Variants in SHROOM2 observed in about 807,000 individuals in gnomAD.
SHROOM2 encodes protein Shroom2.
A neutral mutation model predicts 75.9 loss-of-function variants in SHROOM2; 33 were observed. That is an observed-to-expected ratio of 0.43 (90% confidence interval 0.33 to 0.58). SHROOM2 has a LOEUF of 0.58. SHROOM2 is among the 20% of genes least tolerant of loss of function. SHROOM2 has a pLI of 0.04. For missense variants in SHROOM2, 1,434 were observed against 1,461.2 expected (o/e 0.98, Z 0.30); for synonymous variants, 655 against 663.6 (o/e 0.99, Z 0.20).
chrX:9,946,572 A>T (rs2084820950), intron 9 of SHROOM2, 99 bp from the exon 10 acceptor site: 2 of 800,868 alleles, frequency 2.5e-6, no homozygotes, highest in Non-Finnish European at 3.6e-6. Flanking sequence ...TCCATCGATA[A>T]GTTGTGGGAC....
Position 9,896,341 on chromosome X carries a change from G to A in SHROOM2, c.2433G>A (p.Arg811=). The stretch of plus-strand genomic sequence containing the variant: ...AAACGAGCAAACCTGTTCCCCAGAG[G>A]CCTGCCCAGAAGCAAGCTCTTCACG... ...FEETSKPVPQ[R]PAQKQALHGI... The change falls in exon 4 of 10, where the codon AGG becomes AGA. Residue 811 remains arginine (R), a synonymous_variant. Transcript: ENST00000380913. The A allele has an allele frequency of 8.2e-7, 1 of 1,212,309 alleles. No individual in the cohort carries two copies. Among genetic ancestry groups the A allele is most frequent in the Non-Finnish European group, 1.1e-6 (1 of 895,622 alleles).
intron 1 of SHROOM2, among the ~76,000 whole-genome samples, chrX:9,792,074 T>G (rs1243730822): frequency 3.3e-4 from 3 of 9,088 alleles, no homozygotes; most frequent in Admixed American, 2.1e-3. Context: ...TAGAATAGAA[T>G]AGAATAGAAT....
intron 5 of SHROOM2, among the ~76,000 whole-genome samples, chrX:9,928,693 CACAT>C (rs1365675109): frequency 9.0e-6 from 1 of 111,156 alleles, no homozygotes; most frequent in Non-Finnish European, 1.9e-5. Context: ...CACAGGCACA[CACAT>C]ACAACACACA....
In SHROOM2 at chrX:9,820,532, T is replaced by C. The variant is rs1189043538; in HGVS notation, c.165+33822T>C. Among the ~76,000 whole-genome samples the C allele has an allele frequency of 4.5e-5, 5 of 111,400 alleles. No homozygotes were observed. The South Asian group carries it at 1.1e-3, about 25-fold the overall frequency. On this transcript the variant is annotated intron_variant, in intron 1 of 9. Transcript: ENST00000380913. Reference sequence around the variant, plus strand: ...AGGTGCACCACCGTGCCCTGCTAATTAAAAAGGTTTTTTTTAGAGATGAGT... The same window carrying C: ...AGGTGCACCACCGTGCCCTGCTAATCAAAAAGGTTTTTTTTAGAGATGAGT...
rs1246215807 is a variant in SHROOM2 at position 9,939,475 on chromosome X, G to A, written c.4311+109G>A. ...GACCCTGCACCACGTGTCCCAGGGC[G>A]TTTGTGTTCAGCTTTCACTCAGGAC... On this transcript the variant is annotated intron_variant, in intron 8 of 9. Transcript: ENST00000380913. The A allele has an allele frequency of 1.0e-5, 7 of 684,161 alleles. No individual in the cohort carries two copies. In the Admixed American group the frequency reaches 1.6e-4, roughly 16 times the overall value. 56.4% of individuals were successfully genotyped at this position (684,161 alleles called of 1,213,427 possible).
chrX:9,800,763 C>A (rs750214203), intron 1 of SHROOM2, among the ~76,000 whole-genome samples: 1 of 108,046 alleles, frequency 9.3e-6, no homozygotes, highest in East Asian at 3.0e-4. Flanking sequence ...TGATTCTACC[C>A]CCAACCCTTG....
intron 2 of SHROOM2, among the ~76,000 whole-genome samples, chrX:9,882,521 A>G (rs1209606733): frequency 9.0e-6 from 1 of 111,489 alleles, no homozygotes; most frequent in African/African-American, 3.3e-5. Flanking sequence ...TTCCAACAGT[A>G]ATGGGTTTAT....
chrX:9,843,947 T>TA (rs1418364350), intron 1 of SHROOM2, among the ~76,000 whole-genome samples: 8 of 112,830 alleles, frequency 7.1e-5, no homozygotes, highest in Non-Finnish European at 1.5e-4. Flanking sequence ...TTTGATTTTC[T>TA]AACTTTTCTT....
intron 1 of SHROOM2, among the ~76,000 whole-genome samples, chrX:9,790,321 C>G (rs1569132087): frequency 2.7e-5 from 3 of 111,994 alleles, no homozygotes; most frequent in Non-Finnish European, 5.6e-5. Flanking sequence ...CCACCCTGGT[C>G]GGGATCAGTT....
chrX:9,808,156 CT>C (rs2083766449), intron 1 of SHROOM2, among the ~76,000 whole-genome samples: 2 of 111,569 alleles, frequency 1.8e-5, no homozygotes, highest in African/African-American at 6.5e-5. Context: ...ACTTCACCCT[CT>C]CAGATTAAAG....
intron 5 of SHROOM2, among the ~76,000 whole-genome samples, chrX:9,900,683 A>G (rs1169672615): frequency 1.8e-5 from 2 of 111,591 alleles, no homozygotes; most frequent in South Asian, 3.8e-4. Flanking sequence ...TTTAAGTTAC[A>G]TGATGTTTCA....
intron 1 of SHROOM2, among the ~76,000 whole-genome samples, chrX:9,807,788 T>C (rs961247390): frequency 1.8e-5 from 2 of 112,339 alleles, no homozygotes; most frequent in African/African-American, 6.5e-5. Flanking sequence ...TCTGTGATCC[T>C]CCCTGAGAGC....
Position 9,895,093 on chromosome X carries a change from C to T in SHROOM2, c.1185C>T (p.Gly395=). 8.3e-7 allele frequency: 1 copy of T among 1,209,754 alleles called. No homozygotes were observed. Residue 395 remains glycine, a synonymous_variant, in exon 4 of 10, where the codon GGC becomes GGT. Transcript: ENST00000380913. ...PGCPQEAHAD[G]SWPPSKDGAS... ...GCCCACAGGAGGCCCACGCAGACGG[C>T]AGCTGGCCGCCCTCCAAGGATGGAG...
At chrX:9,850,326 ATTGG>A (rs747881425) in intron 1 of SHROOM2, among the ~76,000 whole-genome samples, 113 of 111,832 alleles carry the variant, frequency 1.0e-3, no homozygotes, top group Non-Finnish European at 1.9e-3. Flanking sequence ...TTATTGATTA[ATTGG>A]TTGGTTGGTT....
chrX:9,893,197 G>T (rs1252149687), intron 3 of SHROOM2, among the ~76,000 whole-genome samples: 1 of 111,642 alleles, frequency 9.0e-6, no homozygotes, highest in African/African-American at 3.3e-5. Context: ...CAACCTCCCA[G>T]GCTCAAGCCA....
At position 9,895,327 on chromosome X, in the gene SHROOM2, C is replaced by G. The variant is rs766302724; in HGVS notation, c.1419C>G (p.Gly473=). Residue 473 remains glycine (G), a synonymous_variant, in exon 4 of 10, where the codon GGC becomes GGG. Transcript: ENST00000380913. The part of the protein sequence containing the change: ...LSSCDQKLGS[G]WQGPRPCVQG... ...GCTGTGACCAGAAGCTGGGGAGCGG[C>G]TGGCAGGGTCCCCGGCCCTGTGTGC... The G allele has an allele frequency of 1.7e-6, 2 of 1,174,264 alleles. No individual in the cohort carries two copies. The highest frequency in any genetic ancestry group is 4.9e-5 in the Admixed American group (2 of 41,089).
At chrX:9,907,174 A>G (rs1173261881) in intron 5 of SHROOM2, among the ~76,000 whole-genome samples, 1 of 111,399 alleles carries the variant, frequency 9.0e-6, no homozygotes, top group Non-Finnish European at 1.9e-5. Flanking sequence ...TGAGTCAGGT[A>G]TGTGGATGTC....
Position 9,806,195 on chromosome X carries a change from G to A in SHROOM2, c.165+19485G>A, listed in dbSNP as rs2083750639. Among the ~76,000 whole-genome samples, 3 of 110,608 alleles carry A rather than the reference G, an allele frequency of 2.7e-5. No individual in the cohort carries two copies. In the South Asian group the frequency reaches 1.1e-3, roughly 42 times the overall value. Reference sequence around the variant, plus strand: ...ACAGCATCTTGAACTAAGACAGTTAGTGAGGAGCGTTAGGCTTAGAGAGGT... The same window carrying A: ...ACAGCATCTTGAACTAAGACAGTTAATGAGGAGCGTTAGGCTTAGAGAGGT... On this transcript the variant is annotated intron_variant, in intron 1 of 9. Transcript: ENST00000380913.
At chrX:9,872,922 C>T (rs1398829280) in intron 1 of SHROOM2, among the ~76,000 whole-genome samples, 1 of 112,243 alleles carries the variant, frequency 8.9e-6, no homozygotes, top group Non-Finnish European at 1.9e-5. Flanking sequence ...TGCGGTCTGT[C>T]CATACAAGTG....
Sources: gnomAD v4.1 joint callset for allele counts (sites outside exome capture counted in the v4.1 genomes callset) on GRCh38, gnomAD v4.1.1 for gene constraint, MANE v1.5 for transcripts, NCBI Gene and HGNC (gene_info 2026-07-23, HGNC 2026-07-21) for gene names.